PIK3R5: variants seen among roughly 807,000 people sequenced by gnomAD.
PIK3R5 encodes phosphoinositide 3-kinase regulatory subunit 5.
A neutral mutation model predicts 94.9 loss-of-function variants in PIK3R5; 32 were observed. That is an observed-to-expected ratio of 0.34 (90% CI 0.25 to 0.45). The LOEUF is 0.45. Among genes scored for constraint, PIK3R5 ranks in the 20% least tolerant of loss-of-function variants. The pLI, the probability that PIK3R5 is intolerant of heterozygous loss-of-function variation, is 1.00. For missense variants in PIK3R5, 853 were observed against 1,144.6 expected, an observed-to-expected ratio of 0.75 and a Z score of 3.68; for synonymous variants, 443 against 479.4, an observed-to-expected ratio of 0.92 and a Z score of 0.99.
At chr17:8,923,283 G>A (rs957516624) in intron 1 of PIK3R5, among the ~76,000 whole-genome samples, 3 of 152,152 alleles carry the variant, frequency 2.0e-5, no homozygotes, top group African/African-American at 4.8e-5. Flanking sequence ...GTACAGTACC[G>A]AAAAGACAAC....
rs1178615941 is a variant in PIK3R5 at position 8,884,799 on chromosome 17, A to C, written c.2129-16T>G. On this transcript the variant is annotated splice_polypyrimidine_tract_variant and intron_variant, in intron 14 of 18. Transcript: ENST00000447110. This position sits in a 1 kb window ranked among gnomAD's most constrained non-coding sequence, Gnocchi z 5.8. ...CTGCCAGGACCTGTGCCACACACAG[A>C]CAGACCCTTCACTACCCCTGGCTTC... is the stretch of plus-strand genomic sequence containing the variant. 1.2e-6 allele frequency: 2 copies of C among 1,611,708 alleles called. No individual in the cohort carries two copies. Among genetic ancestry groups the C allele is most frequent in the Non-Finnish European group, 1.7e-6 (2 of 1,179,072 alleles).
chr17:8,943,016 G>T (rs911615174), intron 1 of PIK3R5, among the ~76,000 whole-genome samples: 3 of 148,322 alleles, frequency 2.0e-5, no homozygotes, highest in Admixed American at 2.0e-4. Context: ...AAAGTGAGTT[G>T]CAGGCTGTGG....
At chr17:8,963,245 C>T (rs765492228) in intron 1 of PIK3R5, among the ~76,000 whole-genome samples, 3 of 152,178 alleles carry the variant, frequency 2.0e-5, no homozygotes, top group Non-Finnish European at 4.4e-5. Context: ...CAGCTCAGTC[C>T]CTTGGGATGA....
At chr17:8,946,281 GCCACTAGA>G in intron 1 of PIK3R5, among the ~76,000 whole-genome samples, 1 of 151,892 alleles carries the variant, frequency 6.6e-6, no homozygotes, top group African/African-American at 2.4e-5. Flanking sequence ...ATGCCCAGAA[GCCACTAGA>G]CCACGTGTTC....
rs1326131099 is a variant in PIK3R5, at chr17:8,955,503, A to G, written c.-14+10093T>C. 1.3e-5 allele frequency among the ~76,000 whole-genome samples: 2 copies of G among 152,040 alleles called. No individual in the cohort carries two copies. Among genetic ancestry groups the G allele is most frequent in the Non-Finnish European group, 2.9e-5 (2 of 68,008 alleles). ...CTGAACAGAAGACTAAGGACTCTGGACTCTCCCTAAGCAGTGGGGTGCCAT... is the reference window on the plus strand; with the variant it reads ...CTGAACAGAAGACTAAGGACTCTGGGCTCTCCCTAAGCAGTGGGGTGCCAT... On this transcript the variant is annotated intron_variant, in intron 1 of 18. Transcript: ENST00000447110. The surrounding 1 kb of genome is among the most constrained non-coding windows in gnomAD (Gnocchi z 4.4).
At chr17:8,965,045 T>A (rs1420778541) in intron 1 of PIK3R5, among the ~76,000 whole-genome samples, 1 of 148,638 alleles carries the variant, frequency 6.7e-6, no homozygotes, top group Admixed American at 6.7e-5. Context: ...CACGCGGGGA[T>A]GTCCAGTGTG....
At chr17:8,919,319 A>G (rs1296094951) in intron 1 of PIK3R5, among the ~76,000 whole-genome samples, 1 of 152,170 alleles carries the variant, frequency 6.6e-6, no homozygotes, top group Admixed American at 6.5e-5. Context: ...CCTTTTATAT[A>G]TTTACATAGC....
rs781197981 is a variant in PIK3R5, at chr17:8,890,819, G to A, written c.576C>T (p.Ala192=). 5.6e-6 allele frequency: 9 copies of A among 1,613,404 alleles called. No homozygotes were observed. Among genetic ancestry groups the A allele is most frequent in the Non-Finnish European group, 7.6e-6 (9 of 1,179,754 alleles). The change falls in exon 7 of 19, where the codon GCC becomes GCT. Residue 192 remains alanine, a synonymous_variant. Transcript: ENST00000447110. The surrounding 1 kb of genome is among the most constrained non-coding windows in gnomAD (Gnocchi z 6.1). The part of the protein sequence containing the change: ...LSTPGHSPHS[A]YTTLLLHAFQ... Reference sequence around the variant, plus strand: ...AGGCGTGCAGGAGCAGGGTGGTGTAGGCACTGTGAGGCGAGTGTCCGGGCG... The same window carrying A: ...AGGCGTGCAGGAGCAGGGTGGTGTAAGCACTGTGAGGCGAGTGTCCGGGCG...
intron 1 of PIK3R5, among the ~76,000 whole-genome samples, chr17:8,920,530 C>G (rs572425922): frequency 4.7e-4 from 71 of 152,208 alleles, no homozygotes; most frequent in Non-Finnish European, 8.2e-4. Flanking sequence ...GGATCGCACT[C>G]TCCTTGCTGC....
chr17:8,887,195 C>T lies in PIK3R5; in HGVS notation c.1806G>A (p.Glu602=). ...PGELGTTPWE[E]STNDISHYLG... Reference sequence around the variant, plus strand: ...GGTAGTGGGAGATGTCATTGGTGCTCTCCTCCCATGGGGTGGTGCCCAGCT... The same window carrying T: ...GGTAGTGGGAGATGTCATTGGTGCTTTCCTCCCATGGGGTGGTGCCCAGCT... Residue 602 remains glutamate, a synonymous_variant, in exon 12 of 19, where the codon GAG becomes GAA. Transcript: ENST00000447110. 1 of 1,613,844 alleles carries T rather than the reference C, an allele frequency of 6.2e-7. No homozygotes were observed. The highest frequency in any genetic ancestry group is 2.2e-5 in the East Asian group (1 of 44,866).
intron 1 of PIK3R5, among the ~76,000 whole-genome samples, chr17:8,959,538 G>GT (rs2091523261): frequency 1.3e-5 from 2 of 152,228 alleles, no homozygotes; most frequent in Admixed American, 6.5e-5. Context: ...TCTAGAGAGA[G>GT]TTTGAGACTC....
chr17:8,880,914 C>T lies in PIK3R5; in HGVS notation c.2486G>A (p.Ser829Asn), dbSNP rs1472207350. The T allele has an allele frequency of 1.9e-6, 3 of 1,613,912 alleles. No individual in the cohort carries two copies. Among genetic ancestry groups the T allele is most frequent in the African/African-American group, 2.7e-5 (2 of 74,928 alleles). The change falls in exon 18 of 19, where the codon AGT becomes AAT. Residue 829 changes from serine (S) to asparagine (N), a missense_variant. Physicochemically the swap from Ser to Asn is conservative, Grantham distance 46. Around this residue, in one of 6 missense-constraint regions of PIK3R5, gnomAD observed 91 missense variants for 90.5 expected, o/e 1.01. Transcript: ENST00000447110. ...LDQDERKILQ[S>N]VVRCEVSPCY... ...GACCCCCCTTTCCTACCTGACTACA[C>T]TCTGCAGGATCTTTCTCTCATCCTG...
intron 5 of PIK3R5, among the ~76,000 whole-genome samples, chr17:8,897,036 G>A (rs542787350): frequency 6.6e-6 from 1 of 152,184 alleles, no homozygotes; most frequent in Non-Finnish European, 1.5e-5. Context: ...CCCACAGCAG[G>A]GTTTCTCTTA....
In PIK3R5 at chr17:8,879,008, C is replaced by G. The variant is rs1317433854; in HGVS notation, c.*1631G>C. 1 of 152,020 alleles carries G rather than the reference C, an allele frequency of 6.6e-6. No individual in the cohort carries two copies. Among genetic ancestry groups the G allele is most frequent in the Non-Finnish European group, 1.5e-5 (1 of 68,018 alleles). The allele number at this position is 152,020 out of a possible 1,614,324, so 9.4% of individuals were successfully genotyped here. ...TGATCACATAATAAGACAACCTGCC[C>G]ATACAGCAAAAACATATTGAAGATA... On this transcript the variant is annotated 3_prime_UTR_variant, in exon 19 of 19. Transcript: ENST00000447110. This position sits in a 1 kb window ranked among gnomAD's most constrained non-coding sequence, Gnocchi z 4.4.
intron 5 of PIK3R5, among the ~76,000 whole-genome samples, chr17:8,894,428 G>C (rs1333545754): frequency 2.0e-5 from 3 of 152,096 alleles, no homozygotes; most frequent in African/African-American, 7.2e-5. Flanking sequence ...GCACCTCCCC[G>C]TCTCTGCCTG....
chr17:8,888,671 C>T lies in PIK3R5; in HGVS notation c.1116G>A (p.Ser372=), dbSNP rs977555979. ...AGACAAAGGAAGTCAGCAGATGGCG[C>T]GAGAGGGCCGGCCCCGAGGCCTGGG... The part of the protein sequence containing the change: ...ASSQASGPAL[S]RHLLTSFVSG... Residue 372 remains serine (S), a synonymous_variant, in exon 10 of 19, where the codon TCG becomes TCA. Coordinates refer to ENST00000447110, the MANE Select transcript of PIK3R5 (RefSeq NM_001142633.3). The surrounding 1 kb of genome is among the most constrained non-coding windows in gnomAD (Gnocchi z 7.8). 4.5e-5 allele frequency: 73 copies of T among 1,613,722 alleles called. No homozygotes were observed. The highest frequency in any genetic ancestry group is 8.9e-5 in the East Asian group (4 of 44,896).
At position 8,945,057 on chromosome 17, in the gene PIK3R5, C is replaced by T. The variant is rs2091249772; in HGVS notation, c.-14+20539G>A. Among the ~76,000 whole-genome samples, 2 of 152,180 alleles carry T rather than the reference C, an allele frequency of 1.3e-5. No homozygotes were observed. Among genetic ancestry groups the T allele is most frequent in the African/African-American group, 4.8e-5 (2 of 41,446 alleles). On this transcript the variant is annotated intron_variant, in intron 1 of 18. Coordinates refer to ENST00000447110, the MANE Select transcript of PIK3R5 (RefSeq NM_001142633.3). The surrounding 1 kb of genome is among the most constrained non-coding windows in gnomAD (Gnocchi z 4.0). ...TGCTGGTGCTTGGGGGTCCAGGAAG[C>T]CCTGCTGTGGAGCAGCCCAGAGACC...
chr17:8,919,432 C>T lies in PIK3R5; in HGVS notation c.-13-7925G>A, dbSNP rs373646180. Among the ~76,000 whole-genome samples, 233 of 152,306 alleles carry T rather than the reference C, an allele frequency of 1.5e-3. 1 individual carries two copies. The highest frequency in any genetic ancestry group is 5.1e-3 in the African/African-American group (210 of 41,564). ...TTCTTCTGTAGTCACAGTGGACTAG[C>T]GCAAGGCTGGCTGCCTCAAAATCCC... On this transcript the variant is annotated intron_variant, in intron 1 of 18. Coordinates refer to ENST00000447110, the MANE Select transcript of PIK3R5 (RefSeq NM_001142633.3).
At chr17:8,954,788 T>A (rs899092311) in intron 1 of PIK3R5, among the ~76,000 whole-genome samples, 1 of 151,856 alleles carries the variant, frequency 6.6e-6, no homozygotes, top group Non-Finnish European at 1.5e-5. Flanking sequence ...AGTACAAAAA[T>A]TAGCCTGGTG....
Sources: gnomAD v4.1 joint callset for allele counts (sites outside exome capture counted in the v4.1 genomes callset) on GRCh38, gnomAD v4.1.1 for gene constraint, gnomAD v4.1.1 regional missense constraint, Gnocchi (gnomAD v3.1) non-coding constraint, MANE v1.5 for transcripts, NCBI Gene and HGNC (gene_info 2026-07-23, HGNC 2026-07-21) for gene names.